The following ITPK1 variants were observed in gnomAD, a reference collection of about 807,000 sequenced individuals.
ITPK1 encodes the protein inositol-tetrakisphosphate 1-kinase.
ITPK1 carries 21 observed loss-of-function variants against 45.3 expected under a neutral mutation model. The observed-to-expected ratio is 0.46, with a 90% CI of 0.33 to 0.67. The LOEUF is 0.67. Ranked by LOEUF, ITPK1 falls within the 30% of genes least tolerant of loss-of-function variation. ITPK1 has a pLI of 0.02. For synonymous variants in ITPK1, 258 were observed against 253.6 expected, an observed-to-expected ratio of 1.02 and a Z score of -0.16; for missense variants, 474 against 573.5, an observed-to-expected ratio of 0.83 and a Z score of 1.77.
In ITPK1 at chr14:92,940,028, A is replaced by G. The variant is rs562199667; in HGVS notation, c.*1533T>C. 3.2e-3 allele frequency: 3,149 copies of G among 985,824 alleles called. 7 individuals carry two copies. The highest frequency in any genetic ancestry group is 3.4e-3 in the Non-Finnish European group (2,809 of 829,946). The allele number at this position is 985,824 out of a possible 1,614,324, so 61.1% of individuals were successfully genotyped here. ...AAACGTGGTTAGTTGTTGGGTCCTCAGTTTCCAAAAAAGCCGGGCAGTTCT... is the reference window on the plus strand; with the variant it reads ...AAACGTGGTTAGTTGTTGGGTCCTCGGTTTCCAAAAAAGCCGGGCAGTTCT... On this transcript the variant is annotated 3_prime_UTR_variant, in exon 11 of 11. Transcript: ENST00000267615.
intron 2 of ITPK1, among the ~76,000 whole-genome samples, chr14:93,105,725 CAG>C (rs1313497844): frequency 3.0e-5 from 4 of 133,946 alleles, no homozygotes; most frequent in African/African-American, 8.5e-5. Flanking sequence ...TTTTTTGAGA[CAG>C]AGTTTCACTC....
rs376993911 is a variant in ITPK1, at chr14:93,034,386, G to C, written c.121-17585C>G. Among the ~76,000 whole-genome samples, 30 of 152,204 alleles carry C rather than the reference G, an allele frequency of 2.0e-4. No homozygotes were observed. The highest frequency in any genetic ancestry group is 7.2e-4 in the African/African-American group (30 of 41,510). On this transcript the variant is annotated intron_variant, in intron 3 of 10. Coordinates refer to ENST00000267615, the MANE Select transcript of ITPK1 (RefSeq NM_014216.6). This position sits in a 1 kb window ranked among gnomAD's most constrained non-coding sequence, Gnocchi z 4.1. ...TCCTGAGTCTCTTGATTCTGACCCA[G>C]AAAACTCTTCTGGGGGCCCTACAGG... is the stretch of plus-strand genomic sequence containing the variant.
At position 93,060,023 on chromosome 14, in the gene ITPK1, C is replaced by CTTGG. The variant is rs763223781; in HGVS notation, c.120+16568_120+16571dup. Among the ~76,000 whole-genome samples, 70 of 151,696 alleles carry CTTGG rather than the reference C, an allele frequency of 4.6e-4. 1 individual carries two copies. Among genetic ancestry groups the CTTGG allele is most frequent in the Non-Finnish European group, 8.2e-4 (56 of 67,906 alleles). Reference sequence around the variant, plus strand: ...TCAAGATCCAGGGCTTCCAGTTGCACTTGGCCAAGAGGGGTCACTGGCAGG... The same window carrying CTTGG: ...TCAAGATCCAGGGCTTCCAGTTGCACTTGGTTGGCCAAGAGGGGTCACTGGCAGG... On this transcript the variant is annotated intron_variant, in intron 3 of 10. Coordinates refer to ENST00000267615, the MANE Select transcript of ITPK1 (RefSeq NM_014216.6).
At chr14:92,984,895 G>A (rs1886419011) in intron 5 of ITPK1, among the ~76,000 whole-genome samples, 1 of 152,232 alleles carries the variant, frequency 6.6e-6, no homozygotes, top group Non-Finnish European at 1.5e-5. Flanking sequence ...GCAAACATAT[G>A]AGAGACAGTC....
At chr14:92,984,487 AT>A (rs989192607) in intron 5 of ITPK1, among the ~76,000 whole-genome samples, 2 of 152,058 alleles carry the variant, frequency 1.3e-5, no homozygotes, top group African/African-American at 4.8e-5. Context: ...CTTACTTAGG[AT>A]TTTTTTCTTT....
chr14:92,941,846 C>T lies in ITPK1; in HGVS notation c.960G>A (p.Leu320=). The T allele has an allele frequency of 2.5e-6, 4 of 1,612,566 alleles. No individual in the cohort carries two copies. Among genetic ancestry groups the T allele is most frequent in the Non-Finnish European group, 3.4e-6 (4 of 1,179,904 alleles). The change falls in exon 11 of 11, where the codon CTG becomes CTA. Residue 320 remains leucine (L), a synonymous_variant. Coordinates refer to ENST00000267615, the MANE Select transcript of ITPK1 (RefSeq NM_014216.6). The part of the protein sequence containing the change: ...TDLLNHIATV[L]QGQSTAMAAT... ...CTGCCATGGCTGTGCTCTGGCCCTGCAGGACAGTGGCGATGTGGTTCAGGA... is the reference window on the plus strand; with the variant it reads ...CTGCCATGGCTGTGCTCTGGCCCTGTAGGACAGTGGCGATGTGGTTCAGGA...
rs940381893 is a variant in ITPK1, at chr14:93,076,079, A to C, written c.120+516T>G. Reference sequence around the variant, plus strand: ...CATCCTTCTATCCTTCCTCCCCTCCATCCATCCTTCCTTCTCCCTCCATCC... The same window carrying C: ...CATCCTTCTATCCTTCCTCCCCTCCCTCCATCCTTCCTTCTCCCTCCATCC... On this transcript the variant is annotated intron_variant, in intron 3 of 10. Coordinates refer to ENST00000267615, the MANE Select transcript of ITPK1 (RefSeq NM_014216.6). The surrounding 1 kb of genome is among the most constrained non-coding windows in gnomAD (Gnocchi z 4.3). Among the ~76,000 whole-genome samples the C allele has an allele frequency of 6.2e-5, 9 of 144,482 alleles. No individual in the cohort carries two copies. The highest frequency in any genetic ancestry group is 2.0e-4 in the East Asian group (1 of 4,932). The allele number at this position is 144,482 out of a possible 152,430, so 94.8% of individuals were successfully genotyped here. A position where few individuals can be genotyped will look rare whatever the true frequency, so the allele number is the denominator to read the frequency against.
At chr14:93,042,905 C>T (rs777489265) in intron 3 of ITPK1, among the ~76,000 whole-genome samples, 2 of 152,016 alleles carry the variant, frequency 1.3e-5, no homozygotes, top group Non-Finnish European at 2.9e-5. Context: ...GCAATCGCAG[C>T]TACTCGGGAG....
chr14:93,057,197 C>A (rs1227355591), intron 3 of ITPK1, among the ~76,000 whole-genome samples: 1 of 152,190 alleles, frequency 6.6e-6, no homozygotes, highest in African/African-American at 2.4e-5. Flanking sequence ...TCAGAGGCAG[C>A]GTGCAAACCC....
At chr14:93,068,094 C>T (rs1361481938) in intron 3 of ITPK1, 1 of 153,330 alleles carries the variant, frequency 6.5e-6, no homozygotes, top group Non-Finnish European at 1.5e-5. Context: ...ATTTTCCCCA[C>T]TGAAATGCCA....
chr14:93,011,572 G>A (rs1341345362), intron 4 of ITPK1, among the ~76,000 whole-genome samples: 2 of 152,226 alleles, frequency 1.3e-5, no homozygotes, highest in African/African-American at 4.8e-5. Context: ...CACACTGAGA[G>A]GAGCCAGGAG....
At chr14:93,090,253 G>A (rs1479362617) in intron 2 of ITPK1, among the ~76,000 whole-genome samples, 3 of 151,976 alleles carry the variant, frequency 2.0e-5, no homozygotes, top group Non-Finnish European at 4.4e-5. Context: ...TCACACTTCT[G>A]ACCACCTGCC....
intron 2 of ITPK1, among the ~76,000 whole-genome samples, chr14:93,102,457 G>A (rs1473816374): frequency 6.6e-6 from 1 of 152,244 alleles, no homozygotes; most frequent in Non-Finnish European, 1.5e-5. Context: ...CATGACGAAT[G>A]TTAGGACTTT....
intron 3 of ITPK1, among the ~76,000 whole-genome samples, chr14:93,064,065 C>A (rs867022784): frequency 6.6e-6 from 1 of 152,044 alleles, no homozygotes; most frequent in African/African-American, 2.4e-5. Context: ...GGGTGGATCA[C>A]GAGGTCAGGA....
At chr14:92,985,402 G>A (rs1437458604) in intron 5 of ITPK1, among the ~76,000 whole-genome samples, 1 of 151,792 alleles carries the variant, frequency 6.6e-6, no homozygotes, top group Non-Finnish European at 1.5e-5. Context: ...CTGTGCAAAG[G>A]GTATATGGGA....
intron 3 of ITPK1, among the ~76,000 whole-genome samples, chr14:93,072,773 T>C (rs1891075951): frequency 6.6e-6 from 1 of 152,162 alleles, no homozygotes; most frequent in Non-Finnish European, 1.5e-5. Context: ...ACTAATTTTT[T>C]GTATTTGTGG....
intron 3 of ITPK1, among the ~76,000 whole-genome samples, chr14:93,059,193 G>A: frequency 1.7e-5 from 1 of 58,200 alleles, no homozygotes. Context: ...CATGAGGCAG[G>A]GGTGGAGGGG....
Position 92,981,810 on chromosome 14 carries a change from A to G in ITPK1, c.364+12070T>C, listed in dbSNP as rs563596711. 5.3e-5 allele frequency among the ~76,000 whole-genome samples: 8 copies of G among 152,324 alleles called. No individual in the cohort carries two copies. In the East Asian group the frequency reaches 7.7e-4, roughly 15 times the overall value. On this transcript the variant is annotated intron_variant, in intron 5 of 10. Transcript: ENST00000267615. Reference sequence around the variant, plus strand: ...CGATGAGGGCAGCAAAGGGTCTGTGAGTAGGGAGGAAGGCACTGAGGCCCA... The same window carrying G: ...CGATGAGGGCAGCAAAGGGTCTGTGGGTAGGGAGGAAGGCACTGAGGCCCA...
chr14:93,042,879 A>T (rs1889615745), intron 3 of ITPK1, among the ~76,000 whole-genome samples: 1 of 152,080 alleles, frequency 6.6e-6, no homozygotes, highest in Non-Finnish European at 1.5e-5. Context: ...TTACCCAGGC[A>T]TGGTGGCGTG....
Sources: allele counts gnomAD v4.1 joint callset (sites outside exome capture counted in the v4.1 genomes callset), GRCh38; gene constraint gnomAD v4.1.1; non-coding constraint Gnocchi (gnomAD v3.1); transcripts MANE v1.5; gene names NCBI Gene and HGNC (gene_info 2026-07-23, HGNC 2026-07-21).